Variants in GABRA2 observed in about 807,000 individuals in gnomAD.
GABRA2 encodes gamma-aminobutyric acid receptor subunit alpha-2.
A neutral mutation model predicts 48.7 loss-of-function variants in GABRA2; 16 were observed. The observed-to-expected ratio is 0.33, with a 90% CI of 0.22 to 0.50. The LOEUF (loss-of-function observed/expected upper bound fraction) is 0.50. Among genes scored for constraint, GABRA2 ranks in the 20% least tolerant of loss-of-function variants. GABRA2 has a pLI of 0.98. For missense variants in GABRA2, 275 were observed against 535.6 expected (o/e 0.51, Z 4.80); for synonymous variants, 185 against 184.5 (o/e 1.00, Z -0.02).
At chr4:46,269,806 A>G (rs1718945346) in intron 8 of GABRA2, among the ~76,000 whole-genome samples, 1 of 151,904 alleles carries the variant, frequency 6.6e-6, no homozygotes, top group Non-Finnish European at 1.5e-5. Context: ...ATATGGTAAT[A>G]TTAGTTATTT....
intron 3 of GABRA2, among the ~76,000 whole-genome samples, chr4:46,354,721 C>T (rs1251112152): frequency 6.6e-6 from 1 of 152,186 alleles, no homozygotes; most frequent in Non-Finnish European, 1.5e-5. Flanking sequence ...CCCTCAGCTA[C>T]TTACTCTCTT....
chr4:46,356,003 T>C lies in GABRA2; in HGVS notation c.188-23321A>G, dbSNP rs28550664. On this transcript the variant is annotated intron_variant, in intron 3 of 9. Coordinates refer to ENST00000381620, the MANE Select transcript of GABRA2 (RefSeq NM_000807.4). The stretch of plus-strand genomic sequence containing the variant: ...CAAGAGGCATGTGGACTCATATCCA[T>C]CTTCACAGAACTTGGTGAAATGTAG... Among the ~76,000 whole-genome samples, 1,021 of 152,322 alleles carry C rather than the reference T, an allele frequency of 6.7e-3. 18 individuals carry two copies. The highest frequency in any genetic ancestry group is 0.023 in the African/African-American group (968 of 41,576).
At chr4:46,291,380 G>A (rs954066679) in intron 8 of GABRA2, among the ~76,000 whole-genome samples, 1 of 152,082 alleles carries the variant, frequency 6.6e-6, no homozygotes, top group African/African-American at 2.4e-5. Flanking sequence ...CAAGATTATT[G>A]TGATGGTTGT....
intron 3 of GABRA2, among the ~76,000 whole-genome samples, chr4:46,381,946 G>A (rs1399645897): frequency 6.6e-6 from 1 of 151,984 alleles, no homozygotes; most frequent in African/African-American, 2.4e-5. Flanking sequence ...TTTCATGGTG[G>A]CACACTGAAA....
chr4:46,281,930 A>G (rs746258969), intron 8 of GABRA2, among the ~76,000 whole-genome samples: 14 of 152,170 alleles, frequency 9.2e-5, no homozygotes, highest in Non-Finnish European at 1.9e-4. Context: ...TTCCTGGAAT[A>G]ATGCTCTCAA....
intron 3 of GABRA2, among the ~76,000 whole-genome samples, chr4:46,362,201 G>C (rs1416112514): frequency 1.3e-5 from 2 of 152,064 alleles, no homozygotes; most frequent in African/African-American, 2.4e-5. Flanking sequence ...GAACTTGATG[G>C]GAGGTAACTG....
At chr4:46,260,755 A>G (rs1460965181) in intron 9 of GABRA2, 3 of 151,940 alleles carry the variant, frequency 2.0e-5, no homozygotes, top group Non-Finnish European at 4.4e-5. Context: ...GAAGTTAAGC[A>G]TACAAAATGG....
intron 9 of GABRA2, among the ~76,000 whole-genome samples, chr4:46,257,294 G>A (rs1447101975): frequency 6.6e-6 from 1 of 151,706 alleles, no homozygotes. Flanking sequence ...AATAATAGGA[G>A]TTTGTCAGTT....
chr4:46,322,768 G>A (rs1272153725), intron 4 of GABRA2, among the ~76,000 whole-genome samples: 1 of 151,942 alleles, frequency 6.6e-6, no homozygotes, highest in African/African-American at 2.4e-5. Flanking sequence ...GAAGGATACT[G>A]AGCCATAATG....
intron 3 of GABRA2, among the ~76,000 whole-genome samples, chr4:46,378,421 G>A (rs1388841693): frequency 2.6e-5 from 4 of 151,744 alleles, no homozygotes; most frequent in African/African-American, 7.3e-5. Flanking sequence ...GATTAAGGGC[G>A]GTGCAAGATG....
At position 46,250,241 on chromosome 4, in the gene GABRA2, A is replaced by T. The variant is rs200972330; in HGVS notation, c.*67T>A. 1,115 of 1,323,530 alleles carry T rather than the reference A, an allele frequency of 8.4e-4. 9 individuals are homozygous for T. Among genetic ancestry groups the T allele is most frequent in the Non-Finnish European group, 1.0e-3 (953 of 944,346 alleles). The allele number at this position is 1,323,530 out of a possible 1,614,324, so 82.0% of individuals were successfully genotyped here. A position where few individuals can be genotyped will look rare whatever the true frequency, so the allele number is the denominator to read the frequency against. ...TCACAAATTAGCAGTTATTAGTCAGACTGTACATAGCAAAACAAACCAAAT... is the reference window on the plus strand; with the variant it reads ...TCACAAATTAGCAGTTATTAGTCAGTCTGTACATAGCAAAACAAACCAAAT... On this transcript the variant is annotated 3_prime_UTR_variant, in exon 10 of 10. Coordinates refer to ENST00000381620, the MANE Select transcript of GABRA2 (RefSeq NM_000807.4).
rs1411755120 is a variant in GABRA2, at chr4:46,330,591, T to TATATATATAGAG, written c.255+2023_255+2024insCTCTATATATAT. ...ATATATATATATATATATATATATA[T>TATATATATAGAG]AGAGAGAGAGAGAGAGAGATGTTTT... On this transcript the variant is annotated intron_variant, in intron 4 of 9. Transcript: ENST00000381620. Among the ~76,000 whole-genome samples the TATATATATAGAG allele has an allele frequency of 9.0e-5, 11 of 122,692 alleles. No homozygotes were observed. In the East Asian group the frequency reaches 9.2e-4, roughly 10 times the overall value. The allele number at this position is 122,692 out of a possible 152,430, so 80.5% of individuals were successfully genotyped here.
chr4:46,290,405 C>T (rs982170651), intron 8 of GABRA2, among the ~76,000 whole-genome samples: 1 of 129,984 alleles, frequency 7.7e-6, no homozygotes, highest in South Asian at 2.2e-4. Context: ...AATCTCTTAA[C>T]GTAGAATGTC....
intron 3 of GABRA2, among the ~76,000 whole-genome samples, chr4:46,376,925 C>T (rs1033605348): frequency 3.9e-5 from 6 of 152,052 alleles, no homozygotes; most frequent in African/African-American, 1.2e-4. Context: ...TTGGTGGAGA[C>T]GGGGTTTCGC....
chr4:46,328,271 A>AGTGTGT (rs71193862), intron 4 of GABRA2, among the ~76,000 whole-genome samples: 12 of 128,678 alleles, frequency 9.3e-5, no homozygotes, highest in East Asian at 7.4e-4. Flanking sequence ...AAGATAGCAG[A>AGTGTGT]GTGTGTGTGT....
chr4:46,294,501 A>G (rs1032375400), intron 8 of GABRA2, among the ~76,000 whole-genome samples: 1 of 152,186 alleles, frequency 6.6e-6, no homozygotes, highest in Non-Finnish European at 1.5e-5. Flanking sequence ...TTATTGAGTG[A>G]CCTGAAAGGC....
chr4:46,337,650 CAAAAA>C, intron 3 of GABRA2, among the ~76,000 whole-genome samples: 1 of 107,698 alleles, frequency 9.3e-6, no homozygotes, highest in South Asian at 3.3e-4. Flanking sequence ...TTGTTAAGAC[CAAAAA>C]AAAAAAAAAA....
intron 4 of GABRA2, 140 bp from the exon 5 acceptor site, chr4:46,312,856 C>T (rs1383284938): frequency 2.6e-5 from 15 of 567,446 alleles, no homozygotes; most frequent in Non-Finnish European, 4.5e-5. Flanking sequence ...AGAAAGATTA[C>T]TCCTTTGGCT....
At chr4:46,353,289 C>T (rs1158513287) in intron 3 of GABRA2, among the ~76,000 whole-genome samples, 7 of 152,056 alleles carry the variant, frequency 4.6e-5, no homozygotes, top group Non-Finnish European at 1.0e-4. Context: ...CTACTGCTCC[C>T]ACCCTGGTCC....
Sources: gnomAD v4.1 joint callset for allele counts (sites outside exome capture counted in the v4.1 genomes callset) on GRCh38, gnomAD v4.1.1 for gene constraint, MANE v1.5 for transcripts, NCBI Gene and HGNC (gene_info 2026-07-23, HGNC 2026-07-21) for gene names.